Variants in PPTC7 observed in about 807,000 individuals in gnomAD.
The protein encoded by PPTC7 is protein phosphatase targeting COQ7.
PPTC7 carries 6 observed loss-of-function variants against 30.8 expected under a neutral mutation model. That is an observed-to-expected ratio of 0.19 (90% CI 0.11 to 0.38). The LOEUF (loss-of-function observed/expected upper bound fraction) is 0.38, where lower values mean the gene tolerates loss of function less well. PPTC7 is among the 10% of genes least tolerant of loss of function. PPTC7 has a pLI of 1.00. For missense variants in PPTC7, 218 were observed against 404.8 expected, an observed-to-expected ratio of 0.54 and a Z score of 3.96; for synonymous variants, 163 against 168.1, an observed-to-expected ratio of 0.97 and a Z score of 0.23.
At chr12:110,569,455 G>C (rs1226566271) in intron 1 of PPTC7, among the ~76,000 whole-genome samples, 1 of 152,164 alleles carries the variant, frequency 6.6e-6, no homozygotes, top group Non-Finnish European at 1.5e-5. Context: ...GCCACTAACT[G>C]GACCTAAGAC....
intron 4 of PPTC7, among the ~76,000 whole-genome samples, chr12:110,539,598 C>T (rs377144316): frequency 5.9e-5 from 9 of 152,332 alleles, no homozygotes; most frequent in Middle Eastern, 3.4e-3. Context: ...GAAATGCCCT[C>T]CATCTAGACT....
At chr12:110,542,691 A>G (rs1593144479) in intron 3 of PPTC7, among the ~76,000 whole-genome samples, 3 of 150,888 alleles carry the variant, frequency 2.0e-5, no homozygotes, top group East Asian at 1.9e-4. Flanking sequence ...AAAAAAAAAA[A>G]AAAAAAAAGA....
chr12:110,534,431 TA>T lies in PPTC7; in HGVS notation c.*2605del, dbSNP rs1247432906. On this transcript the variant is annotated 3_prime_UTR_variant, in exon 6 of 6. Coordinates refer to ENST00000354300, the MANE Select transcript of PPTC7 (RefSeq NM_139283.2). ...GTGTGTGTGTTGCTTAAAATATAAT[TA>T]ACACACACATCAGGTTCAGAATCAG... 1 of 151,452 alleles carries T rather than the reference TA, an allele frequency of 6.6e-6. No homozygotes were observed. The highest frequency in any genetic ancestry group is 1.5e-5 in the Non-Finnish European group (1 of 67,846). 9.4% of individuals were successfully genotyped at this position (151,452 alleles called of 1,614,324 possible). A position where few individuals can be genotyped will look rare whatever the true frequency, so the allele number is the denominator to read the frequency against.
chr12:110,574,421 A>G (rs1035939207), intron 1 of PPTC7, among the ~76,000 whole-genome samples: 3 of 152,138 alleles, frequency 2.0e-5, no homozygotes, highest in Non-Finnish European at 4.4e-5. Flanking sequence ...GTCAGATATG[A>G]AACAACTGGC....
chr12:110,543,348 G>A (rs2064278479), intron 3 of PPTC7, among the ~76,000 whole-genome samples: 1 of 151,594 alleles, frequency 6.6e-6, no homozygotes, highest in Non-Finnish European at 1.5e-5. Context: ...TTGTAAAAAT[G>A]TCTACTAAAG....
intron 1 of PPTC7, among the ~76,000 whole-genome samples, chr12:110,558,817 AG>A: frequency 6.6e-6 from 1 of 152,178 alleles, no homozygotes; most frequent in East Asian, 1.9e-4. Context: ...CGTGTTGGCC[AG>A]GATGTTCTCA....
chr12:110,562,177 C>T (rs888776681), intron 1 of PPTC7, among the ~76,000 whole-genome samples: 1 of 147,806 alleles, frequency 6.8e-6, no homozygotes. Flanking sequence ...CCCAGCTACT[C>T]GGAAGGCTGA....
At chr12:110,563,122 C>CAAAAAAAAAAAAAAAAAAAAAA (rs766517371) in intron 1 of PPTC7, among the ~76,000 whole-genome samples, 1 of 43,094 alleles carries the variant, frequency 2.3e-5, no homozygotes, top group Non-Finnish European at 4.3e-5. Flanking sequence ...GACTCCATCT[C>CAAAAAAAAAAAAAAAAAAAAAA]AAAAAAAAAA....
intron 1 of PPTC7, among the ~76,000 whole-genome samples, chr12:110,580,665 G>T (rs563340140): frequency 6.6e-6 from 1 of 151,986 alleles, no homozygotes; most frequent in African/African-American, 2.4e-5. Context: ...TTAAAATCAA[G>T]CTTCCATATA....
At chr12:110,540,321 C>CTTTTT (rs11369595) in intron 3 of PPTC7, among the ~76,000 whole-genome samples, 9 of 105,012 alleles carry the variant, frequency 8.6e-5, no homozygotes, top group Non-Finnish European at 1.5e-4. Context: ...CCCCCCCCGC[C>CTTTTT]TTTTTTTTTT....
intron 1 of PPTC7, among the ~76,000 whole-genome samples, chr12:110,565,296 G>A (rs144180059): frequency 6.6e-5 from 10 of 150,866 alleles, no homozygotes; most frequent in South Asian, 2.1e-4. Flanking sequence ...TCGCTCTGTC[G>A]CCCAGGCTGG....
chr12:110,564,107 T>A (rs1185939018), intron 1 of PPTC7, among the ~76,000 whole-genome samples: 1 of 152,220 alleles, frequency 6.6e-6, no homozygotes, highest in Non-Finnish European at 1.5e-5. Context: ...ACTGCAGAGT[T>A]GAAGGTTAAG....
chr12:110,543,271 T>C (rs992463158), intron 3 of PPTC7, among the ~76,000 whole-genome samples: 13 of 152,218 alleles, frequency 8.5e-5, no homozygotes, highest in African/African-American at 3.1e-4. Context: ...AGGTGGCACA[T>C]GTAAAGTTCT....
intron 1 of PPTC7, 112 bp from the exon 2 acceptor site, chr12:110,552,080 C>A: frequency 1.2e-6 from 1 of 805,252 alleles, no homozygotes; most frequent in Non-Finnish European, 2.0e-6. Flanking sequence ...TACATACATT[C>A]ACTCCAAAAT....
intron 1 of PPTC7, among the ~76,000 whole-genome samples, chr12:110,575,717 C>A (rs988712884): frequency 6.9e-6 from 1 of 145,640 alleles, no homozygotes; most frequent in African/African-American, 2.5e-5. Context: ...TTCTAAAATT[C>A]AATTACTTGC....
chr12:110,552,062 C>A, intron 1 of PPTC7, 94 bp from the exon 2 acceptor site: 1 of 931,458 alleles, frequency 1.1e-6, no homozygotes, highest in Non-Finnish European at 1.6e-6. Context: ...AATTTCACTA[C>A]ATGCTACTAC....
chr12:110,548,601 A>C (rs2064328050), intron 2 of PPTC7, among the ~76,000 whole-genome samples: 1 of 152,116 alleles, frequency 6.6e-6, no homozygotes, highest in Non-Finnish European at 1.5e-5. Context: ...ACCACCCAAA[A>C]CATCTTCTGA....
chr12:110,563,146 A>AAG (rs1555215144), intron 1 of PPTC7, among the ~76,000 whole-genome samples: 3 of 148,742 alleles, frequency 2.0e-5, no homozygotes, highest in Non-Finnish European at 4.5e-5. Flanking sequence ...AAAAAAAAAA[A>AAG]AAGAAGAAGA....
chr12:110,549,942 C>G (rs1045685304), intron 2 of PPTC7, among the ~76,000 whole-genome samples: 6 of 152,138 alleles, frequency 3.9e-5, no homozygotes, highest in African/African-American at 9.7e-5. Flanking sequence ...CAAAGTCACA[C>G]AGCAAGTTGA....
Sources: allele counts gnomAD v4.1 joint callset (sites outside exome capture counted in the v4.1 genomes callset), GRCh38; gene constraint gnomAD v4.1.1; transcripts MANE v1.5; gene names NCBI Gene and HGNC (gene_info 2026-07-23, HGNC 2026-07-21).